The following SEC14L5 variants were observed in gnomAD, a reference collection of about 807,000 sequenced individuals.
The protein encoded by SEC14L5 is SEC14-like protein 5.
A neutral mutation model predicts 84.6 loss-of-function variants in SEC14L5; 96 were observed. The ratio of observed to expected loss-of-function variants is 1.13; its 90% confidence interval spans 0.96 to 1.34. The LOEUF (loss-of-function observed/expected upper bound fraction) is 1.34. SEC14L5 is among the 40% of genes most tolerant of loss of function. The probability of loss-of-function intolerance (pLI) is 0.00; values close to 1 mark genes in which losing one functional copy is unlikely to be tolerated. For synonymous variants in SEC14L5, 546 were observed against 383.4 expected (o/e 1.42, Z -4.95); for missense variants, 1,224 against 942.5 (o/e 1.30, Z -3.91).
rs1955092145 is a variant in SEC14L5, at chr16:4,959,410, C to A, written c.63+24C>A. 3 of 1,607,134 alleles carry A rather than the reference C, an allele frequency of 1.9e-6. No homozygotes were observed. In the East Asian group the frequency reaches 6.7e-5, roughly 36 times the overall value. ...CGGTGAGTGACTCCTGATTCTTGGG[C>A]CCCCATGTGACAGTTGGAGGGGCTT... On this transcript the variant is annotated intron_variant, in intron 2 of 15. Coordinates refer to ENST00000251170, the MANE Select transcript of SEC14L5 (RefSeq NM_014692.2).
chr16:4,996,518 C>T, intron 7 of SEC14L5, 58 bp downstream of exon 7: 2 of 872,650 alleles, frequency 2.3e-6, no homozygotes, highest in Non-Finnish European at 3.7e-6. Flanking sequence ...GGTACTCAGC[C>T]TCCGTGCATG....
At chr16:4,986,996 T>C (rs1358035451) in intron 2 of SEC14L5, among the ~76,000 whole-genome samples, 1 of 152,170 alleles carries the variant, frequency 6.6e-6, no homozygotes, top group Non-Finnish European at 1.5e-5. Context: ...TAGTTTTACT[T>C]CTTCCTTTCC....
In SEC14L5 at chr16:5,011,081, C is replaced by T. The variant is rs761620998; in HGVS notation, c.1801-14C>T. ...GAGGGCGCAGGGCCTCAGGGCAGGG[C>T]TGATGTGTTTCAGGGCTCCCATGTG... On this transcript the variant is annotated splice_polypyrimidine_tract_variant and intron_variant, in intron 14 of 15. Coordinates refer to ENST00000251170, the MANE Select transcript of SEC14L5 (RefSeq NM_014692.2). The T allele has an allele frequency of 1.9e-6, 3 of 1,583,298 alleles. No individual in the cohort carries two copies. The highest frequency in any genetic ancestry group is 1.3e-5 in the African/African-American group (1 of 74,180).
intron 8 of SEC14L5, among the ~76,000 whole-genome samples, chr16:4,998,154 C>A (rs1173528490): frequency 1.3e-5 from 2 of 151,660 alleles, no homozygotes; most frequent in African/African-American, 4.8e-5. Context: ...TACAGGCGTG[C>A]ACCACCATGC....
rs774393861 is a variant in SEC14L5 at position 4,988,220 on chromosome 16, C to T, written c.285C>T (p.Ile95=). 5.0e-6 allele frequency: 8 copies of T among 1,612,544 alleles called. No individual in the cohort carries two copies. The highest frequency in any genetic ancestry group is 4.0e-5 in the African/African-American group (3 of 74,864). The change falls in exon 4 of 16, where the codon ATC becomes ATT. Residue 95 remains isoleucine, a synonymous_variant. Coordinates refer to ENST00000251170, the MANE Select transcript of SEC14L5 (RefSeq NM_014692.2). ...ACTGGAAGGAGAGGACGCTCCTCAT[C>T]GAAGCGCACAATGAGACCTTCGCCA... ...ILNWKERTLL[I]EAHNETFANR... is the part of the protein sequence containing the mutation.
At chr16:4,970,626 G>A (rs996008763) in intron 2 of SEC14L5, among the ~76,000 whole-genome samples, 1 of 152,166 alleles carries the variant, frequency 6.6e-6, no homozygotes, top group African/African-American at 2.4e-5. Flanking sequence ...GCTGATCCTA[G>A]GAGTCCCTGG....
Position 5,007,412 on chromosome 16 carries a change from G to A in SEC14L5, c.1498G>A (p.Glu500Lys). 2 of 1,613,898 alleles carry A rather than the reference G, an allele frequency of 1.2e-6. No individual in the cohort carries two copies. The highest frequency in any genetic ancestry group is 8.5e-7 in the Non-Finnish European group (1 of 1,179,846). Residue 500 changes from glutamate to lysine, a missense_variant, in exon 13 of 16, where the codon GAG becomes AAG. Physicochemically the swap from Glu to Lys is moderately conservative, Grantham distance 56 (BLOSUM62 1). Transcript: ENST00000251170. ...KSLYMTEEEQ[E>K]HTDQLWQWSE... is the part of the protein sequence containing the mutation. ...CCTCTACATGACAGAAGAGGAGCAG[G>A]AGCACACGGACCAGCTGTGGCAGTG...
At chr16:4,977,590 A>T (rs1401798762) in intron 2 of SEC14L5, among the ~76,000 whole-genome samples, 1 of 152,054 alleles carries the variant, frequency 6.6e-6, no homozygotes, top group African/African-American at 2.4e-5. Flanking sequence ...TGATGAGCTC[A>T]TGTATATGTA....
Position 5,005,979 on chromosome 16 carries a change from G to A in SEC14L5, c.1368G>A (p.Gln456=), listed in dbSNP as rs1359052402. The change falls in exon 12 of 16, where the codon CAG becomes CAA. Residue 456 remains glutamine, a synonymous_variant. Transcript: ENST00000251170. ...TCATCTACAGTGGCAGCAACTACCAGGGACCCGGAGGCCTTGTGGACTATC... is the reference window on the plus strand; with the variant it reads ...TCATCTACAGTGGCAGCAACTACCAAGGACCCGGAGGCCTTGTGGACTATC... ...KFLIYSGSNY[Q]GPGGLVDYLD... 1 of 1,613,386 alleles carries A rather than the reference G, an allele frequency of 6.2e-7. No individual in the cohort carries two copies. Among genetic ancestry groups the A allele is most frequent in the East Asian group, 2.2e-5 (1 of 44,880 alleles).
intron 12 of SEC14L5, 114 bp downstream of exon 12, chr16:5,006,162 G>A: frequency 9.4e-7 from 1 of 1,069,416 alleles, no homozygotes; most frequent in Admixed American, 2.1e-5. Flanking sequence ...GGTGCGGCAT[G>A]TGCACTCTGC....
intron 2 of SEC14L5, among the ~76,000 whole-genome samples, chr16:4,966,267 C>CT (rs1019686741): frequency 0.019 from 1,470 of 78,676 alleles, 23 homozygotes; most frequent in African/African-American, 0.031. Flanking sequence ...CGCCCGGCCT[C>CT]TTTTTTTTTT....
At position 5,003,571 on chromosome 16, in the gene SEC14L5, C is replaced by A. The variant is rs780382324; in HGVS notation, c.1300C>A (p.Leu434Met). Reference protein sequence around the residue: ...APRVFPVLWTLISPFINENTR... With the variant: ...APRVFPVLWTMISPFINENTR... ...CCGAGTCTTCCCCGTGCTCTGGACA[C>A]TGGTAAGAGCTGGAGCCTGGGCCAG... is the stretch of plus-strand genomic sequence containing the variant. The change falls in exon 11 of 16, where the codon CTG becomes ATG. Residue 434 changes from leucine to methionine, a missense_variant and splice_region_variant. Physicochemically the swap from Leu to Met is conservative, Grantham distance 15. Coordinates refer to ENST00000251170, the MANE Select transcript of SEC14L5 (RefSeq NM_014692.2). 7.7e-7 allele frequency: 1 copy of A among 1,294,756 alleles called. No homozygotes were observed. The highest frequency in any genetic ancestry group is 1.0e-6 in the Non-Finnish European group (1 of 988,978). The allele number at this position is 1,294,756 out of a possible 1,614,324, so 80.2% of individuals were successfully genotyped here. A position where few individuals can be genotyped will look rare whatever the true frequency, so the allele number is the denominator to read the frequency against.
At chr16:5,000,979 G>C in intron 10 of SEC14L5, 54 bp downstream of exon 10, 2 of 1,375,936 alleles carry the variant, frequency 1.5e-6, no homozygotes, top group East Asian at 2.4e-5. Context: ...ACGGAGGGTG[G>C]AGAGGGGTCC....
At position 4,990,884 on chromosome 16, in the gene SEC14L5, A is replaced by T; in HGVS notation, c.463A>T (p.Asn155Tyr). Residue 155 changes from asparagine to tyrosine, a missense_variant, in exon 5 of 16, where the codon AAC (asparagine) becomes TAC (tyrosine). By Grantham distance (143) the Asn-to-Tyr change is moderately radical. Transcript: ENST00000251170. The stretch of plus-strand genomic sequence containing the variant: ...GATCGCCATGAAGCAGTACACCGCC[A>T]ACGTCAAGAGGGTAAGCGGTGGGTT... ...EKIAMKQYTA[N>Y]VKRGKEVIEH... The T allele has an allele frequency of 6.2e-7, 1 of 1,600,620 alleles. No individual in the cohort carries two copies. The highest frequency in any genetic ancestry group is 8.5e-7 in the Non-Finnish European group (1 of 1,173,414).
intron 6 of SEC14L5, among the ~76,000 whole-genome samples, chr16:4,993,910 G>GT (rs1161440081): frequency 6.8e-6 from 1 of 147,538 alleles, no homozygotes; most frequent in Admixed American, 6.7e-5. Context: ...TTAGTGACAA[G>GT]TTTTTTCATT....
At position 5,002,662 on chromosome 16, in the gene SEC14L5, C is replaced by T. The variant is rs78924987; in HGVS notation, c.1131-740C>T. Among the ~76,000 whole-genome samples the T allele has an allele frequency of 6.0e-3, 909 of 152,172 alleles. 5 individuals are homozygous for T. The highest frequency in any genetic ancestry group is 0.021 in the African/African-American group (854 of 41,500). Reference sequence around the variant, plus strand: ...TTGGAGAGGTGTGTGCAGGTTTAAGCGAACAAATCTGGGAGGTGGAGGCTC... The same window carrying T: ...TTGGAGAGGTGTGTGCAGGTTTAAGTGAACAAATCTGGGAGGTGGAGGCTC... On this transcript the variant is annotated intron_variant, in intron 10 of 15. Coordinates refer to ENST00000251170, the MANE Select transcript of SEC14L5 (RefSeq NM_014692.2).
chr16:5,015,205 A>T lies in SEC14L5; in HGVS notation c.*235A>T. 1.9e-6 allele frequency: 1 copy of T among 538,914 alleles called. No homozygotes were observed. The highest frequency in any genetic ancestry group is 3.0e-5 in the East Asian group (1 of 33,258). The allele number at this position is 538,914 out of a possible 1,614,324, so 33.4% of individuals were successfully genotyped here. On this transcript the variant is annotated 3_prime_UTR_variant, in exon 16 of 16. Coordinates refer to ENST00000251170, the MANE Select transcript of SEC14L5 (RefSeq NM_014692.2). ...ATCTCCTTCCGGCTTCGTGTAAGGA[A>T]GACCAAGCCAAGGCCAAGGTGTCTA...
intron 2 of SEC14L5, among the ~76,000 whole-genome samples, chr16:4,976,049 TTAGCAGAAA>T (rs1420522619): frequency 6.6e-6 from 1 of 152,192 alleles, no homozygotes; most frequent in Non-Finnish European, 1.5e-5. Flanking sequence ...TGTCAAGTGA[TTAGCAGAAA>T]TAGCTTTTTG....
rs189345270 is a variant in SEC14L5 at position 5,016,693 on chromosome 16, C to T, written c.*1723C>T. ...GGGGTGGTTTTGTGGCCACAAGAAT[C>T]ATCTTTATGCAGGCTCAGCAATGCA... On this transcript the variant is annotated 3_prime_UTR_variant, in exon 16 of 16. Coordinates refer to ENST00000251170, the MANE Select transcript of SEC14L5 (RefSeq NM_014692.2). The T allele has an allele frequency of 6.6e-5, 10 of 152,186 alleles. No homozygotes were observed. Among genetic ancestry groups the T allele is most frequent in the African/African-American group, 1.4e-4 (6 of 41,446 alleles). 9.4% of individuals were successfully genotyped at this position (152,186 alleles called of 1,614,324 possible).
Sources: gnomAD v4.1 joint callset for allele counts (sites outside exome capture counted in the v4.1 genomes callset) on GRCh38, gnomAD v4.1.1 for gene constraint, MANE v1.5 for transcripts, NCBI Gene and HGNC (gene_info 2026-07-23, HGNC 2026-07-21) for gene names.